Variants in CSMD3 observed in about 807,000 individuals in gnomAD.
CSMD3 encodes the protein CUB and sushi domain-containing protein 3.
CSMD3 carries 177 observed loss-of-function variants against 435.2 expected under a neutral mutation model. The ratio of observed to expected loss-of-function variants is 0.41; its 90% CI spans 0.36 to 0.46. CSMD3 has a LOEUF of 0.46. Ranked by LOEUF, CSMD3 falls within the 20% of genes least tolerant of loss-of-function variation. The probability of loss-of-function intolerance (pLI) is 0.34; values close to 1 mark genes in which losing one functional copy is unlikely to be tolerated. For synonymous variants in CSMD3, 1,656 were observed against 1,520.5 expected (o/e 1.09, Z -2.07); for missense variants, 4,265 against 4,504.6 (o/e 0.95, Z 1.52).
intron 59 of CSMD3, among the ~76,000 whole-genome samples, chr8:112,279,892 A>T (rs1237742545): frequency 2.6e-5 from 4 of 152,178 alleles, no homozygotes. Flanking sequence ...ACTTTTGAAG[A>T]GACAAAATAT....
intron 24 of CSMD3, among the ~76,000 whole-genome samples, chr8:112,565,876 A>G (rs939371756): frequency 1.6e-4 from 25 of 152,058 alleles, no homozygotes; most frequent in Non-Finnish European, 3.2e-4. Context: ...AATAATCTTC[A>G]ACAAATAGAG....
chr8:112,523,385 A>G (rs371935511), intron 27 of CSMD3, among the ~76,000 whole-genome samples: 4 of 152,018 alleles, frequency 2.6e-5, no homozygotes, highest in African/African-American at 9.7e-5. Flanking sequence ...TTCTGAAATG[A>G]AAAAACACAA....
chr8:112,265,817 C>T (rs1816890670), intron 59 of CSMD3, among the ~76,000 whole-genome samples: 2 of 152,000 alleles, frequency 1.3e-5, no homozygotes, highest in Non-Finnish European at 2.9e-5. Flanking sequence ...TGTCACTTAG[C>T]CCCTGAAAAG....
At chr8:112,715,295 C>T (rs1384154606) in intron 13 of CSMD3, among the ~76,000 whole-genome samples, 1 of 152,124 alleles carries the variant, frequency 6.6e-6, no homozygotes, top group Admixed American at 6.5e-5. Flanking sequence ...ACTATAAACA[C>T]CTCTGTGCAA....
intron 1 of CSMD3, among the ~76,000 whole-genome samples, chr8:113,344,732 A>G (rs1348445985): frequency 3.3e-5 from 5 of 152,198 alleles, no homozygotes; most frequent in African/African-American, 4.8e-5. Flanking sequence ...TCATAAATCC[A>G]TAAGTGAGCC....
At chr8:112,953,448 A>G (rs1179437350) in intron 8 of CSMD3, among the ~76,000 whole-genome samples, 1 of 151,482 alleles carries the variant, frequency 6.6e-6, no homozygotes, top group African/African-American at 2.4e-5. Context: ...TTAGCCCCCA[A>G]AATACATGAA....
At chr8:112,410,458 G>A (rs1018146083) in intron 32 of CSMD3, among the ~76,000 whole-genome samples, 4 of 142,176 alleles carry the variant, frequency 2.8e-5, no homozygotes, top group Non-Finnish European at 6.1e-5. Flanking sequence ...TCCCAAATTT[G>A]TTCCACCAAA....
intron 38 of CSMD3, among the ~76,000 whole-genome samples, chr8:112,374,129 T>G (rs1368064809): frequency 6.6e-6 from 1 of 152,198 alleles, no homozygotes; most frequent in Non-Finnish European, 1.5e-5. Context: ...CTCCCGAATT[T>G]AAACTCAATA....
chr8:112,827,032 T>C lies in CSMD3; in HGVS notation c.1859+2654A>G, dbSNP rs956191098. ...AATATGGTTCAAACACACATTTTTT[T>C]TAACATTAGGGATTGTACAGACCAC... On this transcript the variant is annotated intron_variant, in intron 12 of 70. Transcript: ENST00000297405. Among the ~76,000 whole-genome samples, 3 of 151,310 alleles carry C rather than the reference T, an allele frequency of 2.0e-5. No individual in the cohort carries two copies. The East Asian group carries it at 5.9e-4, about 30-fold the overall frequency.
In CSMD3 at chr8:112,921,608, C is replaced by A. The variant is rs1564106905; in HGVS notation, c.1633+19G>T. On this transcript the variant is annotated intron_variant, in intron 10 of 70. Coordinates refer to ENST00000297405, the MANE Select transcript of CSMD3 (RefSeq NM_198123.2). Reference sequence around the variant, plus strand: ...AAACTATTAAAATGTGTTCAGAGGGCATTATTATAAAACATTACCTTTACA... The same window carrying A: ...AAACTATTAAAATGTGTTCAGAGGGAATTATTATAAAACATTACCTTTACA... 1.9e-6 allele frequency: 3 copies of A among 1,601,258 alleles called. No homozygotes were observed. Among genetic ancestry groups the A allele is most frequent in the Admixed American group, 1.7e-5 (1 of 59,842 alleles).
chr8:112,284,807 T>G (rs1031710592), intron 58 of CSMD3, among the ~76,000 whole-genome samples: 1 of 151,948 alleles, frequency 6.6e-6, no homozygotes, highest in African/African-American at 2.4e-5. Context: ...CATTATCAGT[T>G]TGAGAGCAAT....
chr8:112,650,492 T>C, intron 18 of CSMD3, 143 bp from the exon 19 acceptor site: 1 of 728,188 alleles, frequency 1.4e-6, no homozygotes, highest in South Asian at 1.6e-5. Context: ...ATCAGCAATT[T>C]ATTTAATAAA....
chr8:112,627,123 A>G (rs1393880325), intron 22 of CSMD3, among the ~76,000 whole-genome samples: 1 of 152,144 alleles, frequency 6.6e-6, no homozygotes, highest in African/African-American at 2.4e-5. Context: ...TAAGCTAAAA[A>G]CCAAAATTAG....
chr8:113,363,084 G>C (rs1286050422), intron 1 of CSMD3, among the ~76,000 whole-genome samples: 2 of 152,114 alleles, frequency 1.3e-5, no homozygotes, highest in African/African-American at 4.8e-5. Context: ...ACATCACCTT[G>C]TACCTTTTGC....
At chr8:112,378,634 AATG>A (rs1206125559) in intron 38 of CSMD3, among the ~76,000 whole-genome samples, 1 of 152,164 alleles carries the variant, frequency 6.6e-6, no homozygotes, top group Non-Finnish European at 1.5e-5. Context: ...GGTAGAGTAG[AATG>A]ATGATTACCA....
chr8:112,394,886 A>G (rs1830736012), intron 35 of CSMD3, among the ~76,000 whole-genome samples: 1 of 152,198 alleles, frequency 6.6e-6, no homozygotes, highest in Admixed American at 6.6e-5. Context: ...TAGTGTTGGC[A>G]TGCAGTAAGC....
At chr8:112,944,517 A>G (rs1231671618) in intron 9 of CSMD3, among the ~76,000 whole-genome samples, 2 of 151,736 alleles carry the variant, frequency 1.3e-5, no homozygotes, top group Non-Finnish European at 3.0e-5. Context: ...TAATGACTAC[A>G]AAAATGCCTC....
chr8:112,323,376 G>A (rs952259078), intron 45 of CSMD3, among the ~76,000 whole-genome samples: 4 of 151,862 alleles, frequency 2.6e-5, no homozygotes, highest in Non-Finnish European at 5.9e-5. Flanking sequence ...TTTAATTCCC[G>A]CTGTACTGGG....
chr8:112,561,335 T>C (rs1828605718), intron 24 of CSMD3, among the ~76,000 whole-genome samples: 1 of 151,608 alleles, frequency 6.6e-6, no homozygotes, highest in Non-Finnish European at 1.5e-5. Context: ...AGAACAAAAA[T>C]GAACTGATAA....
Sources: gnomAD v4.1 joint callset for allele counts (sites outside exome capture counted in the v4.1 genomes callset) on GRCh38, gnomAD v4.1.1 for gene constraint, MANE v1.5 for transcripts, NCBI Gene and HGNC (gene_info 2026-07-23, HGNC 2026-07-21) for gene names.